ZNF804A: variants seen among roughly 807,000 people sequenced by gnomAD.
The protein encoded by ZNF804A is zinc finger protein 804A.
Under a neutral mutation model 16.5 loss-of-function variants are expected in ZNF804A, and 2 were observed. The ratio of observed to expected loss-of-function variants is 0.12; its 90% CI spans 0.05 to 0.38. ZNF804A has a LOEUF of 0.38. Among genes scored for constraint, ZNF804A ranks in the 10% least tolerant of loss-of-function variants. The pLI is 0.99. For synonymous variants in ZNF804A, 534 were observed against 489.6 expected (o/e 1.09, Z -1.20); for missense variants, 1,473 against 1,390.7 (o/e 1.06, Z -0.94).
intron 1 of ZNF804A, among the ~76,000 whole-genome samples, chr2:184,677,550 TG>T (rs1692459201): frequency 6.6e-6 from 1 of 152,018 alleles, no homozygotes; most frequent in Non-Finnish European, 1.5e-5. Flanking sequence ...GAATTCCAAC[TG>T]GCTATATTTA....
chr2:184,783,444 G>A (rs949587882), intron 1 of ZNF804A, among the ~76,000 whole-genome samples: 1 of 151,760 alleles, frequency 6.6e-6, no homozygotes, highest in African/African-American at 2.4e-5. Flanking sequence ...ACGATGTACT[G>A]AATAATCATT....
At chr2:184,771,830 G>A (rs1192761860) in intron 1 of ZNF804A, among the ~76,000 whole-genome samples, 1 of 151,962 alleles carries the variant, frequency 6.6e-6, no homozygotes, top group Non-Finnish European at 1.5e-5. Flanking sequence ...GAAAAACTAA[G>A]AGTCTTTTAT....
At chr2:184,856,083 T>C (rs550499835) in intron 1 of ZNF804A, among the ~76,000 whole-genome samples, 7 of 152,212 alleles carry the variant, frequency 4.6e-5, no homozygotes, top group African/African-American at 1.7e-4. Flanking sequence ...TTGTTAATAG[T>C]GCAGAACAAG....
intron 1 of ZNF804A, among the ~76,000 whole-genome samples, chr2:184,829,422 A>G (rs931502345): frequency 6.6e-6 from 1 of 151,994 alleles, no homozygotes; most frequent in Non-Finnish European, 1.5e-5. Context: ...TAAATATAAG[A>G]GTATAAGAAT....
chr2:184,701,062 T>C (rs935750887), intron 1 of ZNF804A, among the ~76,000 whole-genome samples: 2 of 151,958 alleles, frequency 1.3e-5, no homozygotes, highest in East Asian at 1.9e-4. Context: ...CCACATCACA[T>C]TGAACCTCAT....
Position 184,706,826 on chromosome 2 carries a change from TTG to T in ZNF804A, c.111+107758_111+107759del, listed in dbSNP as rs996353829. On this transcript the variant is annotated intron_variant, in intron 1 of 3. Coordinates refer to ENST00000302277, the MANE Select transcript of ZNF804A (RefSeq NM_194250.2). ...TCATGTGTTTAAACATTTGGAATTT[TTG>T]TAGGAAATGTGTTCTATACTGATGA... Among the ~76,000 whole-genome samples, 17 of 152,214 alleles carry T rather than the reference TTG, an allele frequency of 1.1e-4. 1 individual carries two copies. The highest frequency in any genetic ancestry group is 1.1e-3 in the Admixed American group (17 of 15,276).
intron 1 of ZNF804A, among the ~76,000 whole-genome samples, chr2:184,828,459 A>G (rs1304873286): frequency 6.6e-6 from 1 of 151,748 alleles, no homozygotes; most frequent in Non-Finnish European, 1.5e-5. Flanking sequence ...GATGGTCACA[A>G]TTGTAAATAC....
intron 1 of ZNF804A, among the ~76,000 whole-genome samples, chr2:184,679,078 A>G (rs1692489095): frequency 6.6e-6 from 1 of 152,234 alleles, no homozygotes; most frequent in Admixed American, 6.5e-5. Context: ...GTAGAATTCC[A>G]TTGTAGAAAT....
At chr2:184,725,172 T>G (rs1693387021) in intron 1 of ZNF804A, among the ~76,000 whole-genome samples, 1 of 151,610 alleles carries the variant, frequency 6.6e-6, no homozygotes, top group Non-Finnish European at 1.5e-5. Context: ...CTAAATCTAT[T>G]TTTACCTCCT....
At chr2:184,762,510 G>A (rs1694055147) in intron 1 of ZNF804A, among the ~76,000 whole-genome samples, 1 of 151,590 alleles carries the variant, frequency 6.6e-6, no homozygotes, top group African/African-American at 2.4e-5. Flanking sequence ...CTTTTTAAAT[G>A]GCAAATATTT....
chr2:184,800,207 T>G (rs1175529814), intron 1 of ZNF804A, among the ~76,000 whole-genome samples: 1 of 152,052 alleles, frequency 6.6e-6, no homozygotes, highest in African/African-American at 2.4e-5. Flanking sequence ...TTTATGAATT[T>G]TCTTACTCTT....
At chr2:184,616,180 C>T (rs951888062) in intron 1 of ZNF804A, among the ~76,000 whole-genome samples, 7 of 152,010 alleles carry the variant, frequency 4.6e-5, no homozygotes, top group Admixed American at 1.3e-4. Flanking sequence ...AGAGTTTTCA[C>T]GTGTTTCACA....
intron 1 of ZNF804A, among the ~76,000 whole-genome samples, chr2:184,807,643 A>G (rs1403612084): frequency 6.6e-6 from 1 of 151,990 alleles, no homozygotes; most frequent in South Asian, 2.1e-4. Flanking sequence ...ACCTTGAATA[A>G]TATAACTACT....
At chr2:184,928,369 C>T (rs982664512) in intron 2 of ZNF804A, among the ~76,000 whole-genome samples, 2 of 152,042 alleles carry the variant, frequency 1.3e-5, no homozygotes, top group African/African-American at 2.4e-5. Flanking sequence ...AGACAAAGTC[C>T]TCCCTGCTCT....
At chr2:184,918,125 AT>A (rs1685479242) in intron 2 of ZNF804A, among the ~76,000 whole-genome samples, 1 of 152,104 alleles carries the variant, frequency 6.6e-6, no homozygotes, top group Non-Finnish European at 1.5e-5. Flanking sequence ...TCCAGATATG[AT>A]CTTCCTTACC....
At chr2:184,814,706 T>A (rs996311617) in intron 1 of ZNF804A, among the ~76,000 whole-genome samples, 4 of 152,058 alleles carry the variant, frequency 2.6e-5, no homozygotes, top group Non-Finnish European at 5.9e-5. Context: ...TAGATTTTCC[T>A]GACCTACTTA....
In ZNF804A at chr2:184,677,142, C is replaced by T. The variant is rs551708226; in HGVS notation, c.111+78072C>T. ...ATTTCAGCTACAAATAATAGAAACACGGAATCAATGTGCTTAAACTGTATA... is the reference window on the plus strand; with the variant it reads ...ATTTCAGCTACAAATAATAGAAACATGGAATCAATGTGCTTAAACTGTATA... On this transcript the variant is annotated intron_variant, in intron 1 of 3. Transcript: ENST00000302277. Among the ~76,000 whole-genome samples, 14 of 151,830 alleles carry T rather than the reference C, an allele frequency of 9.2e-5. No individual in the cohort carries two copies. In the South Asian group the frequency reaches 1.9e-3, roughly 20 times the overall value.
Position 184,849,957 on chromosome 2 carries a change from C to T in ZNF804A, c.112-16412C>T, listed in dbSNP as rs545263931. Among the ~76,000 whole-genome samples the T allele has an allele frequency of 8.6e-5, 13 of 151,776 alleles. No individual in the cohort carries two copies. In the South Asian group the frequency reaches 1.7e-3, roughly 19 times the overall value. ...GGAGGTCATTATGTTAAGTGAAATA[C>T]GGGAGGCACGGAAAGAGAAATTGTG... On this transcript the variant is annotated intron_variant, in intron 1 of 3. Coordinates refer to ENST00000302277, the MANE Select transcript of ZNF804A (RefSeq NM_194250.2).
intron 2 of ZNF804A, among the ~76,000 whole-genome samples, chr2:184,907,837 T>A (rs1404963878): frequency 6.6e-6 from 1 of 152,176 alleles, no homozygotes; most frequent in Non-Finnish European, 1.5e-5. Context: ...ATGTTTTTTA[T>A]TTTGATTTTC....
Sources: allele counts gnomAD v4.1 joint callset (sites outside exome capture counted in the v4.1 genomes callset), GRCh38; gene constraint gnomAD v4.1.1; transcripts MANE v1.5; gene names NCBI Gene and HGNC (gene_info 2026-07-23, HGNC 2026-07-21).